Variants in DHX35 observed in about 807,000 individuals in gnomAD.
The protein encoded by DHX35 is DEAH-box helicase 35.
In DHX35, 84 loss-of-function variants were observed where a neutral mutation model predicts 99.6. The ratio of observed to expected loss-of-function variants is 0.84; its 90% CI spans 0.71 to 1.01. The LOEUF (loss-of-function observed/expected upper bound fraction) is 1.01, where lower values mean the gene tolerates loss of function less well. Ranked by LOEUF, DHX35 falls within the 50% of genes least tolerant of loss-of-function variation. The probability of loss-of-function intolerance (pLI) is 0.00; values close to 1 mark genes in which losing one functional copy is unlikely to be tolerated. For missense variants in DHX35, 852 were observed against 888.5 expected (o/e 0.96, Z 0.52); for synonymous variants, 331 against 316.2 (o/e 1.05, Z -0.50).
At position 39,012,863 on chromosome 20, in the gene DHX35, C is replaced by T. The variant is rs572017202; in HGVS notation, c.1348-2017C>T. ...CACTAATTAAATGATTGAGTATAAA[C>T]AAAAATGGTGAAATCGAAAACTGCC... On this transcript the variant is annotated intron_variant, in intron 13 of 21. Coordinates refer to ENST00000252011, the MANE Select transcript of DHX35 (RefSeq NM_021931.4). Among the ~76,000 whole-genome samples, 1,009 of 152,172 alleles carry T rather than the reference C, an allele frequency of 6.6e-3. 9 individuals are homozygous for T. Among genetic ancestry groups the T allele is most frequent in the African/African-American group, 0.023 (957 of 41,526 alleles).
chr20:39,005,509 TATATA>T (rs897746069), intron 11 of DHX35, among the ~76,000 whole-genome samples: 1 of 152,252 alleles, frequency 6.6e-6, no homozygotes, highest in Non-Finnish European at 1.5e-5. Flanking sequence ...ATTACAATAA[TATATA>T]ATATACATGT....
intron 10 of DHX35, among the ~76,000 whole-genome samples, chr20:39,003,333 T>G (rs1201090792): frequency 6.6e-6 from 1 of 152,236 alleles, no homozygotes; most frequent in East Asian, 1.9e-4. Context: ...GCCCTCCAAC[T>G]GTAATCTTTT....
At chr20:39,025,970 A>G (rs1055055004) in intron 18 of DHX35, among the ~76,000 whole-genome samples, 1 of 152,142 alleles carries the variant, frequency 6.6e-6, no homozygotes, top group African/African-American at 2.4e-5. Flanking sequence ...TAGTCGTAAG[A>G]TCCTAGGGAG....
In DHX35 at chr20:39,006,312, G is replaced by A. The variant is rs367968414; in HGVS notation, c.1178G>A (p.Arg393His). 2.7e-5 allele frequency: 44 copies of A among 1,614,056 alleles called. No individual in the cohort carries two copies. The highest frequency in any genetic ancestry group is 3.7e-5 in the Non-Finnish European group (44 of 1,180,036). Residue 393 changes from arginine to histidine, a missense_variant, in exon 12 of 22, where the codon CGT becomes CAT. By Grantham distance (29) the Arg-to-His change is conservative. Transcript: ENST00000252011. ...SQASANQRAG[R>H]GGRSRSGKCY... ...GCATCAGCTAATCAGCGAGCAGGAC[G>A]TGGTGGTCGTAGTCGCTCGGGAAAA...
rs372491737 is a variant in DHX35, at chr20:39,006,320, C to T, written c.1186C>T (p.Arg396Cys). The T allele has an allele frequency of 1.9e-5, 30 of 1,613,918 alleles. No individual in the cohort carries two copies. Among genetic ancestry groups the T allele is most frequent in the South Asian group, 5.5e-5 (5 of 91,050 alleles). Residue 396 changes from arginine (R) to cysteine (C), a missense_variant, in exon 12 of 22, where the codon CGT becomes TGT. Arg to Cys is a radical substitution (Grantham distance 180). Transcript: ENST00000252011. ...SANQRAGRGG[R>C]SRSGKCYRLY... ...TAATCAGCGAGCAGGACGTGGTGGT[C>T]GTAGTCGCTCGGGAAAATGTTATCG...
At chr20:38,972,529 C>A in intron 2 of DHX35, 30 bp from the exon 3 acceptor site, 1 of 1,402,096 alleles carries the variant, frequency 7.1e-7, no homozygotes, top group Non-Finnish European at 1.0e-6. Context: ...CAATGTATGG[C>A]TATTTGCAAG....
intron 14 of DHX35, among the ~76,000 whole-genome samples, chr20:39,016,144 A>G (rs1228707007): frequency 1.3e-5 from 2 of 152,236 alleles, no homozygotes; most frequent in Non-Finnish European, 2.9e-5. Context: ...CAAGGTGGAA[A>G]GCAAAAGGAG....
intron 20 of DHX35, among the ~76,000 whole-genome samples, chr20:39,032,271 AAGTG>A (rs1220798446): frequency 6.6e-6 from 1 of 152,170 alleles, no homozygotes; most frequent in African/African-American, 2.4e-5. Flanking sequence ...TTCGGGGTTC[AAGTG>A]ATTCTCCTGC....
intron 13 of DHX35, among the ~76,000 whole-genome samples, chr20:39,012,241 T>G (rs2086714040): frequency 6.6e-6 from 1 of 152,026 alleles, no homozygotes; most frequent in Admixed American, 6.6e-5. Context: ...AGGGTGAGAC[T>G]CTTTCTTAAA....
At chr20:39,014,674 C>G (rs2086754370) in intron 13 of DHX35, among the ~76,000 whole-genome samples, 1 of 152,088 alleles carries the variant, frequency 6.6e-6, no homozygotes, top group Admixed American at 6.6e-5. Context: ...TTTCATCAAG[C>G]TGAGCCTTAA....
intron 16 of DHX35, among the ~76,000 whole-genome samples, chr20:39,023,215 A>C (rs555500945): frequency 7.9e-5 from 12 of 152,368 alleles, no homozygotes; most frequent in Non-Finnish European, 1.3e-4. Flanking sequence ...ACAGATAAGG[A>C]AATCAAGGCT....
At chr20:38,964,182 A>G (rs1428370833) in intron 1 of DHX35, among the ~76,000 whole-genome samples, 6 of 152,228 alleles carry the variant, frequency 3.9e-5, no homozygotes, top group African/African-American at 1.4e-4. Context: ...ACATTAAAGG[A>G]TGAATAAGGT....
At chr20:38,962,655 C>T (rs1266113718) in intron 1 of DHX35, 3 of 525,678 alleles carry the variant, frequency 5.7e-6, no homozygotes, top group East Asian at 3.3e-5. Context: ...CCTCAGGCCT[C>T]GTCTTCCTCG....
intron 13 of DHX35, among the ~76,000 whole-genome samples, chr20:39,014,299 C>T (rs2086748002): frequency 6.6e-6 from 1 of 152,192 alleles, no homozygotes; most frequent in Admixed American, 6.5e-5. Context: ...TCTGGAAAAT[C>T]AGACTGAGGC....
At chr20:38,969,310 A>C in intron 2 of DHX35, 96 bp downstream of exon 2, 1 of 1,392,996 alleles carries the variant, frequency 7.2e-7, no homozygotes. Context: ...CTCTTTCTAG[A>C]ACACAGTGAG....
intron 3 of DHX35, among the ~76,000 whole-genome samples, chr20:38,976,643 A>T (rs751615159): frequency 6.6e-6 from 1 of 152,278 alleles, no homozygotes; most frequent in South Asian, 2.1e-4. Flanking sequence ...TCTATGGCAC[A>T]TTATTGTTAA....
At chr20:39,006,519 A>G (rs2086621643) in intron 12 of DHX35, among the ~76,000 whole-genome samples, 163 bp downstream of exon 12, 1 of 151,986 alleles carries the variant, frequency 6.6e-6, no homozygotes, top group African/African-American at 2.4e-5. Flanking sequence ...CACTCTAAAT[A>G]TGGTGTTTCT....
intron 12 of DHX35, among the ~76,000 whole-genome samples, chr20:39,007,938 G>C (rs1215729865): frequency 6.6e-6 from 1 of 152,204 alleles, no homozygotes; most frequent in Non-Finnish European, 1.5e-5. Context: ...ACACATTAAA[G>C]TGAACAATTT....
At chr20:38,998,590 T>G (rs1421377546) in intron 8 of DHX35, among the ~76,000 whole-genome samples, 1 of 152,252 alleles carries the variant, frequency 6.6e-6, no homozygotes, top group African/African-American at 2.4e-5. Flanking sequence ...TATGTCAATG[T>G]GACCCCACCT....
Sources: allele counts gnomAD v4.1 joint callset (sites outside exome capture counted in the v4.1 genomes callset), GRCh38; gene constraint gnomAD v4.1.1; transcripts MANE v1.5; gene names NCBI Gene and HGNC (gene_info 2026-07-23, HGNC 2026-07-21).